The following PCCB variants were observed in gnomAD, a reference collection of about 807,000 sequenced individuals.
PCCB encodes propionyl-CoA carboxylase beta chain, mitochondrial.
A neutral mutation model predicts 60.7 loss-of-function variants in PCCB; 43 were observed. That is an observed-to-expected ratio of 0.71 (90% CI 0.55 to 0.91). The LOEUF is 0.91. Ranked by LOEUF, PCCB falls within the 40% of genes least tolerant of loss-of-function variation. The probability of loss-of-function intolerance (pLI) is 0.00; values close to 1 mark genes in which losing one functional copy is unlikely to be tolerated. For synonymous variants in PCCB, 276 were observed against 255.9 expected, an observed-to-expected ratio of 1.08 and a Z score of -0.75; for missense variants, 766 against 702.8, an observed-to-expected ratio of 1.09 and a Z score of -1.02.
At chr3:136,256,327 C>A in intron 2 of PCCB, 1 of 593,658 alleles carries the variant, frequency 1.7e-6, no homozygotes, top group Non-Finnish European at 3.0e-6. Context: ...TAGGAGGGTA[C>A]ATAAGGCCTA....
At position 136,268,103 on chromosome 3, in the gene PCCB, T is replaced by C. The variant is rs1289177294; in HGVS notation, c.543+6038T>C. On this transcript the variant is annotated intron_variant, in intron 5 of 14. Transcript: ENST00000251654. The stretch of plus-strand genomic sequence containing the variant: ...GTGTGTGTAGATATATATATATATA[T>C]ATATATATATATATATATGTATATA... 5.7e-4 allele frequency among the ~76,000 whole-genome samples: 71 copies of C among 125,496 alleles called. 2 individuals are homozygous for C. The highest frequency in any genetic ancestry group is 2.1e-3 in the African/African-American group (64 of 30,010). The allele number at this position is 125,496 out of a possible 152,430, so 82.3% of individuals were successfully genotyped here.
At chr3:136,302,008 C>T (rs1161105707) in intron 9 of PCCB, among the ~76,000 whole-genome samples, 1 of 152,158 alleles carries the variant, frequency 6.6e-6, no homozygotes, top group East Asian at 1.9e-4. Flanking sequence ...CTTTAAATTC[C>T]TTGGAAGTCA....
intron 9 of PCCB, among the ~76,000 whole-genome samples, chr3:136,309,342 G>C (rs886974850): frequency 1.3e-5 from 2 of 150,838 alleles, no homozygotes; most frequent in Admixed American, 6.6e-5. Flanking sequence ...AAATATTTCA[G>C]AATAAATCCA....
At chr3:136,258,604 T>G (rs1941737543) in intron 3 of PCCB, among the ~76,000 whole-genome samples, 1 of 152,098 alleles carries the variant, frequency 6.6e-6, no homozygotes, top group East Asian at 1.9e-4. Context: ...TGGCTGTTGG[T>G]GTATTCTGAG....
intron 5 of PCCB, among the ~76,000 whole-genome samples, chr3:136,268,061 T>C (rs11719796): frequency 8.6e-5 from 8 of 92,556 alleles, no homozygotes; most frequent in East Asian, 5.5e-4. Context: ...TGTGTGTGTG[T>C]GTGCGTGTGT....
intron 1 of PCCB, among the ~76,000 whole-genome samples, chr3:136,253,082 G>GTTTTTTTTTTT (rs59099393): frequency 1.4e-5 from 1 of 71,498 alleles, no homozygotes; most frequent in African/African-American, 5.8e-5. Context: ...AGCAATGGAG[G>GTTTTTTTTTTT]TTTTTTTTTT....
At chr3:136,282,935 C>A (rs987854281) in intron 5 of PCCB, among the ~76,000 whole-genome samples, 3 of 152,094 alleles carry the variant, frequency 2.0e-5, no homozygotes, top group African/African-American at 7.2e-5. Flanking sequence ...TTTAGAACCC[C>A]AAAATACTCG....
intron 1 of PCCB, 141 bp from the exon 2 acceptor site, chr3:136,255,715 T>C: frequency 1.3e-6 from 1 of 776,688 alleles, no homozygotes; most frequent in African/African-American, 1.7e-5. Context: ...CTATCTGCCT[T>C]GGGCAGGTTG....
intron 9 of PCCB, among the ~76,000 whole-genome samples, chr3:136,302,078 C>T (rs1385276986): frequency 1.3e-5 from 2 of 152,184 alleles, no homozygotes; most frequent in Admixed American, 6.5e-5. Flanking sequence ...ACAGTGACCA[C>T]CCATCTCTTT....
chr3:136,318,888 A>G (rs1935008990), intron 10 of PCCB, among the ~76,000 whole-genome samples: 1 of 152,162 alleles, frequency 6.6e-6, no homozygotes, highest in Non-Finnish European at 1.5e-5. Context: ...ATATATAAGT[A>G]TCTGTTTGAA....
intron 1 of PCCB, chr3:136,252,254 G>A (rs1322904840): frequency 2.2e-6 from 1 of 455,504 alleles, no homozygotes; most frequent in South Asian, 1.6e-5. Flanking sequence ...GGGTCAAAGG[G>A]TGTAAGTTTA....
chr3:136,287,791 T>C (rs1933486711), intron 6 of PCCB, among the ~76,000 whole-genome samples: 1 of 152,232 alleles, frequency 6.6e-6, no homozygotes, highest in African/African-American at 2.4e-5. Context: ...ACATTTGAAT[T>C]ATTTCAAGAT....
At chr3:136,265,318 C>A (rs1463817600) in intron 5 of PCCB, among the ~76,000 whole-genome samples, 2 of 152,096 alleles carry the variant, frequency 1.3e-5, no homozygotes, top group Non-Finnish European at 2.9e-5. Context: ...GTTTTCAAAC[C>A]TGCCACTCAC....
At chr3:136,261,913 G>T in intron 4 of PCCB, 39 bp from the exon 5 acceptor site, 1 of 1,340,590 alleles carries the variant, frequency 7.5e-7, no homozygotes, top group South Asian at 1.3e-5. Context: ...TTTATATCAA[G>T]AACATTTGTC....
chr3:136,293,938 G>A lies in PCCB; in HGVS notation c.763+74G>A, dbSNP rs1933818820. The stretch of plus-strand genomic sequence containing the variant: ...GGCATTGCCAAAGAGCCTGGTGGCA[G>A]TTTTTAAGAAATATTACTTAATTGG... On this transcript the variant is annotated intron_variant, in intron 7 of 14. Transcript: ENST00000251654. 12 of 885,754 alleles carry A rather than the reference G, an allele frequency of 1.4e-5. 1 individual carries two copies. In the South Asian group the frequency reaches 1.6e-4, roughly 12 times the overall value. The allele number at this position is 885,754 out of a possible 1,614,324, so 54.9% of individuals were successfully genotyped here. A position where few individuals can be genotyped will look rare whatever the true frequency, so the allele number is the denominator to read the frequency against.
intron 6 of PCCB, among the ~76,000 whole-genome samples, chr3:136,286,779 T>C (rs772671273): frequency 6.6e-6 from 1 of 152,088 alleles, no homozygotes; most frequent in African/African-American, 2.4e-5. Flanking sequence ...AAGGTTGCAG[T>C]GAGCGCTTTG....
Position 136,261,983 on chromosome 3 carries a change from C to T in PCCB, c.461C>T (p.Pro154Leu). 1 of 1,561,204 alleles carries T rather than the reference C, an allele frequency of 6.4e-7. No homozygotes were observed. Residue 154 changes from proline to leucine, a missense_variant, in exon 5 of 15, where the codon CCA (proline) becomes CTA (leucine). Physicochemically the swap from Pro to Leu is moderately conservative, Grantham distance 98. Transcript: ENST00000251654. ...GACCAGGCCATAACGGTGGGGGCTC[C>T]AGTGATTGGGCTGAATGACTCTGGG... ...IMDQAITVGA[P>L]VIGLNDSGGA...
intron 5 of PCCB, among the ~76,000 whole-genome samples, chr3:136,263,100 G>T (rs986941328): frequency 1.3e-5 from 2 of 150,540 alleles, no homozygotes; most frequent in African/African-American, 4.9e-5. Flanking sequence ...GACTATAGGC[G>T]TCTGCCACCA....
At chr3:136,282,409 A>G (rs1248813350) in intron 5 of PCCB, among the ~76,000 whole-genome samples, 1 of 152,082 alleles carries the variant, frequency 6.6e-6, no homozygotes, top group East Asian at 1.9e-4. Context: ...TTTTATGGTA[A>G]GCATATAGTT....
Sources: allele counts gnomAD v4.1 joint callset (sites outside exome capture counted in the v4.1 genomes callset), GRCh38; gene constraint gnomAD v4.1.1; transcripts MANE v1.5; gene names NCBI Gene and HGNC (gene_info 2026-07-23, HGNC 2026-07-21).